CCL11: variants seen among roughly 807,000 people sequenced by gnomAD.
CCL11 encodes eotaxin.
Under a neutral mutation model 7.3 loss-of-function variants are expected in CCL11, and 7 were observed. The observed-to-expected ratio is 0.96, with a 90% CI of 0.55 to 1.81. CCL11 has a LOEUF of 1.81. CCL11 is among the 40% of genes most tolerant of loss of function. The probability of loss-of-function intolerance (pLI) is 0.00; values close to 1 mark genes in which losing one functional copy is unlikely to be tolerated. For synonymous variants in CCL11, 66 were observed against 45.2 expected, an observed-to-expected ratio of 1.46 and a Z score of -1.84; for missense variants, 132 against 114.2, an observed-to-expected ratio of 1.16 and a Z score of -0.71.
chr17:34,286,466 A>C (rs1908636287), intron 1 of CCL11, among the ~76,000 whole-genome samples: 1 of 152,248 alleles, frequency 6.6e-6, no homozygotes, highest in South Asian at 2.1e-4. Context: ...TAACAGAATT[A>C]ACTAAATTAA....
At chr17:34,287,343 A>G in intron 2 of CCL11, 136 bp downstream of exon 2, 1 of 688,420 alleles carries the variant, frequency 1.5e-6, no homozygotes. Flanking sequence ...TAATTTTCAC[A>G]AGTGAGTGTT....
Position 34,287,638 on chromosome 17 carries a change from T to C in CCL11, c.242T>C (p.Val81Ala). 4 of 1,612,918 alleles carry C rather than the reference T, an allele frequency of 2.5e-6. No individual in the cohort carries two copies. Among genetic ancestry groups the C allele is most frequent in the Non-Finnish European group, 3.4e-6 (4 of 1,179,546 alleles). The change falls in exon 3 of 3, where the codon GTG becomes GCG. Residue 81 changes from valine to alanine, a missense_variant. Val to Ala is a moderately conservative substitution (Grantham distance 64). Transcript: ENST00000305869. ...TGTGCCGACCCCAAGAAGAAGTGGG[T>C]GCAGGATTCCATGAAGTATCTGGAC... ...DICADPKKKWVQDSMKYLDQK... is the reference protein window; with the variant it reads ...DICADPKKKWAQDSMKYLDQK...
rs1908696057 is a variant in CCL11 at position 34,287,909 on chromosome 17, G to T, written c.*219G>T. On this transcript the variant is annotated 3_prime_UTR_variant, in exon 3 of 3. Coordinates refer to ENST00000305869, the MANE Select transcript of CCL11 (RefSeq NM_002986.3). ...ATATCAGTTATTTTTAAACTGTAAA[G>T]CTTTGTGCAGATTCTTTACCCCCTG... The T allele has an allele frequency of 4.6e-6, 1 of 218,194 alleles. No individual in the cohort carries two copies. The highest frequency in any genetic ancestry group is 1.8e-4 in the South Asian group (1 of 5,630). The allele number at this position is 218,194 out of a possible 1,614,324, so 13.5% of individuals were successfully genotyped here.
intron 1 of CCL11, among the ~76,000 whole-genome samples, chr17:34,286,371 CTCTGGTGACAA>C (rs1244702024): frequency 8.5e-5 from 13 of 152,202 alleles, no homozygotes; most frequent in Non-Finnish European, 1.9e-4. Flanking sequence ...TTTTCCCATA[CTCTGGTGACAA>C]ATTTACTGAG....
Position 34,285,895 on chromosome 17 carries a change from C to A in CCL11, c.76+11C>A, listed in dbSNP as rs747918472. On this transcript the variant is annotated intron_variant, in intron 1 of 2. Coordinates refer to ENST00000305869, the MANE Select transcript of CCL11 (RefSeq NM_002986.3). ...GGCTCGCTGGGCCAGGTAAGCCCCC[C>A]AACTCCTTACAGGAAAGGTAAGGTA... The A allele has an allele frequency of 5.6e-6, 9 of 1,595,866 alleles. No individual in the cohort carries two copies. Among genetic ancestry groups the A allele is most frequent in the Non-Finnish European group, 7.7e-6 (9 of 1,168,008 alleles).
chr17:34,285,745 G>C lies in CCL11; in HGVS notation c.-64G>C. The C allele has an allele frequency of 2.4e-6, 3 of 1,228,140 alleles. No individual in the cohort carries two copies. Among genetic ancestry groups the C allele is most frequent in the Middle Eastern group, 2.0e-4 (1 of 5,048 alleles). The allele number at this position is 1,228,140 out of a possible 1,614,324, so 76.1% of individuals were successfully genotyped here. On this transcript the variant is annotated 5_prime_UTR_variant, in exon 1 of 3. Transcript: ENST00000305869. ...CAGGCAGATGGGCCAGAGGAGCAGA[G>C]AGGCTGAGACCAACCCAGAAACCAC...
In CCL11 at chr17:34,285,886, T is replaced by A. The variant is rs1245180582; in HGVS notation, c.76+2T>A. On this transcript the variant is annotated splice_donor_variant, in intron 1 of 2. Transcript: ENST00000305869. LOFTEE classifies it high-confidence loss of function. ...GCCCCCAGGGGCTCGCTGGGCCAGG[T>A]AAGCCCCCCAACTCCTTACAGGAAA... The A allele has an allele frequency of 1.2e-6, 2 of 1,607,546 alleles. No homozygotes were observed.
rs950247208 is a variant in CCL11 at position 34,287,836 on chromosome 17, AAC to A, written c.*147_*148del. ...TATATATTTTTTTTTTTAAAAAAAAAACGTATTGCATTTAATTTATTGAGGCT... is the reference window on the plus strand; with the variant it reads ...TATATATTTTTTTTTTTAAAAAAAAAGTATTGCATTTAATTTATTGAGGCT... On this transcript the variant is annotated 3_prime_UTR_variant, in exon 3 of 3. Coordinates refer to ENST00000305869, the MANE Select transcript of CCL11 (RefSeq NM_002986.3). 1.5e-3 allele frequency: 460 copies of A among 311,564 alleles called. No homozygotes were observed. Among genetic ancestry groups the A allele is most frequent in the Non-Finnish European group, 2.3e-3 (401 of 175,070 alleles). 19.3% of individuals were successfully genotyped at this position (311,564 alleles called of 1,614,324 possible).
chr17:34,287,204 T>G lies in CCL11; in HGVS notation c.185T>G (p.Val62Gly). ...AGTGGCAAATGTCCCCAGAAAGCTGTGATGTAAGTAAATAAAGTTCACCCT... is the reference window on the plus strand; with the variant it reads ...AGTGGCAAATGTCCCCAGAAAGCTGGGATGTAAGTAAATAAAGTTCACCCT... ...ITSGKCPQKA[V>G]IFKTKLAKDI... is the part of the protein sequence containing the mutation. The change falls in exon 2 of 3, where the codon GTG (valine) becomes GGG (glycine). Residue 62 changes from valine to glycine, a missense_variant. Coordinates refer to ENST00000305869, the MANE Select transcript of CCL11 (RefSeq NM_002986.3). The G allele has an allele frequency of 1.9e-6, 3 of 1,608,954 alleles. No homozygotes were observed. Among genetic ancestry groups the G allele is most frequent in the Non-Finnish European group, 2.6e-6 (3 of 1,175,420 alleles).
rs35429363 is a variant in CCL11 at position 34,287,827 on chromosome 17, TAAA to T, written c.*145_*147del. ...TATTATATATATATATTTTTTTTTT[TAAA>T]AAAAAAACGTATTGCATTTAATTTA... is the stretch of plus-strand genomic sequence containing the variant. On this transcript the variant is annotated 3_prime_UTR_variant, in exon 3 of 3. Coordinates refer to ENST00000305869, the MANE Select transcript of CCL11 (RefSeq NM_002986.3). The T allele has an allele frequency of 7.4e-4, 213 of 287,218 alleles. 1 individual carries two copies. The highest frequency in any genetic ancestry group is 4.8e-3 in the Middle Eastern group (5 of 1,044). 17.8% of individuals were successfully genotyped at this position (287,218 alleles called of 1,614,324 possible).
At chr17:34,287,074 A>C (rs1567648301) in intron 1 of CCL11, 22 bp from the exon 2 acceptor site, 1 of 1,538,278 alleles carries the variant, frequency 6.5e-7, no homozygotes. Flanking sequence ...TTCTCTGTTC[A>C]TTTTTTTTCC....
Position 34,285,805 on chromosome 17 carries a change from C to T in CCL11, c.-4C>T. The stretch of plus-strand genomic sequence containing the variant: ...CGCCAAAGCTCACACCTTCAGCCTC[C>T]AACATGAAGGTCTCCGCAGCACTTC... On this transcript the variant is annotated 5_prime_UTR_variant, in exon 1 of 3. Coordinates refer to ENST00000305869, the MANE Select transcript of CCL11 (RefSeq NM_002986.3). 1 of 1,609,952 alleles carries T rather than the reference C, an allele frequency of 6.2e-7. No homozygotes were observed. The highest frequency in any genetic ancestry group is 8.5e-7 in the Non-Finnish European group (1 of 1,177,708).
At chr17:34,285,919 T>C in intron 1 of CCL11, 35 bp downstream of exon 1, 1 of 1,448,410 alleles carries the variant, frequency 6.9e-7, no homozygotes, top group Non-Finnish European at 9.6e-7. Flanking sequence ...AAAGGTAAGG[T>C]AACCACCTCC....
rs1344242533 is a variant in CCL11, at chr17:34,287,836, A to T, written c.*146A>T. 2 of 311,570 alleles carry T rather than the reference A, an allele frequency of 6.4e-6. No homozygotes were observed. Among genetic ancestry groups the T allele is most frequent in the Non-Finnish European group, 1.1e-5 (2 of 175,072 alleles). 19.3% of individuals were successfully genotyped at this position (311,570 alleles called of 1,614,324 possible). ...TATATATTTTTTTTTTTAAAAAAAA[A>T]ACGTATTGCATTTAATTTATTGAGG... On this transcript the variant is annotated 3_prime_UTR_variant, in exon 3 of 3. Coordinates refer to ENST00000305869, the MANE Select transcript of CCL11 (RefSeq NM_002986.3).
intron 1 of CCL11, 63 bp from the exon 2 acceptor site, chr17:34,287,033 A>G (rs1318522154): frequency 1.7e-5 from 18 of 1,059,342 alleles, no homozygotes; most frequent in Non-Finnish European, 2.2e-5. Flanking sequence ...ATGCTTGGAA[A>G]TGTCTATGTA....
chr17:34,285,991 G>A (rs898830008), intron 1 of CCL11, 107 bp downstream of exon 1: 11 of 755,044 alleles, frequency 1.5e-5, no homozygotes, highest in African/African-American at 1.4e-4. Context: ...TTGAAAAATA[G>A]GGAAACAGGT....
At chr17:34,286,560 A>T (rs1029638058) in intron 1 of CCL11, among the ~76,000 whole-genome samples, 1 of 152,258 alleles carries the variant, frequency 6.6e-6, no homozygotes, top group Non-Finnish European at 1.5e-5. Context: ...TTCTAGACTG[A>T]TGGAGAAGTT....
In CCL11 at chr17:34,287,728, G is replaced by T. The variant is rs773956209; in HGVS notation, c.*38G>T. ...TTTGAAACCAAACCAGAGCCTGAGT[G>T]TTGCCTAATTTGTTTTCCCTTCTTA... is the stretch of plus-strand genomic sequence containing the variant. On this transcript the variant is annotated 3_prime_UTR_variant, in exon 3 of 3. Coordinates refer to ENST00000305869, the MANE Select transcript of CCL11 (RefSeq NM_002986.3). 5.7e-6 allele frequency: 8 copies of T among 1,393,696 alleles called. No individual in the cohort carries two copies. Among genetic ancestry groups the T allele is most frequent in the Admixed American group, 1.7e-5 (1 of 58,226 alleles). The allele number at this position is 1,393,696 out of a possible 1,614,324, so 86.3% of individuals were successfully genotyped here.
chr17:34,287,587 T>A lies in CCL11; in HGVS notation c.191T>A (p.Phe64Tyr), dbSNP rs1908673321. The stretch of plus-strand genomic sequence containing the variant: ...ATTGCATCCTGTATCTCCCACAGCT[T>A]CAAGACCAAACTGGCCAAGGATATC... ...SGKCPQKAVIFKTKLAKDICA... is the reference protein window; with the variant it reads ...SGKCPQKAVIYKTKLAKDICA... Residue 64 changes from phenylalanine to tyrosine, a missense_variant and splice_region_variant, in exon 3 of 3, where the codon TTC becomes TAC. Transcript: ENST00000305869. The A allele has an allele frequency of 6.2e-7, 1 of 1,612,256 alleles. No homozygotes were observed.
Sources: gnomAD v4.1 joint callset for allele counts (sites outside exome capture counted in the v4.1 genomes callset) on GRCh38, gnomAD v4.1.1 for gene constraint, MANE v1.5 for transcripts, NCBI Gene and HGNC (gene_info 2026-07-23, HGNC 2026-07-21) for gene names.